The following UIMC1 variants were observed in gnomAD, a reference collection of about 807,000 sequenced individuals.
UIMC1 encodes ubiquitin interaction motif containing 1, also known as BRCA1-A complex subunit RAP80.
Under a neutral mutation model 84.9 loss-of-function variants are expected in UIMC1, and 42 were observed. That is an observed-to-expected ratio of 0.49 (90% CI 0.39 to 0.64). UIMC1 has a LOEUF of 0.64. Ranked by LOEUF, UIMC1 falls within the 30% of genes least tolerant of loss-of-function variation. The pLI is 0.00. For synonymous variants in UIMC1, 281 were observed against 293.0 expected (o/e 0.96, Z 0.42); for missense variants, 825 against 847.6 (o/e 0.97, Z 0.33).
chr5:176,910,967 T>TA (rs1394346504), intron 11 of UIMC1, among the ~76,000 whole-genome samples: 1 of 151,952 alleles, frequency 6.6e-6, no homozygotes, highest in Non-Finnish European at 1.5e-5. Flanking sequence ...CGCATGCCTG[T>TA]AATCCCAGCT....
At chr5:176,938,275 T>C (rs1038086765) in intron 10 of UIMC1, among the ~76,000 whole-genome samples, 4 of 151,294 alleles carry the variant, frequency 2.6e-5, no homozygotes, top group Non-Finnish European at 2.9e-5. Flanking sequence ...ACAAAAGATT[T>C]TAAAACTAGG....
At chr5:176,908,469 A>C in intron 12 of UIMC1, 54 bp downstream of exon 12, 1 of 1,564,764 alleles carries the variant, frequency 6.4e-7, no homozygotes, top group South Asian at 1.2e-5. Flanking sequence ...GTGGCCTCTT[A>C]CAACTGACAA....
intron 10 of UIMC1, among the ~76,000 whole-genome samples, chr5:176,935,599 T>C (rs912896797): frequency 1.3e-5 from 2 of 152,174 alleles, no homozygotes; most frequent in African/African-American, 2.4e-5. Flanking sequence ...CCAGTAGCAA[T>C]GCAGCAATAT....
chr5:177,022,586 A>T, exon 1 of UIMC1: 1 of 769,290 alleles, frequency 1.3e-6, no homozygotes, highest in Non-Finnish European at 1.9e-6. Flanking sequence ...TACCAGAGGT[A>T]GCAAAGCAAA....
intron 10 of UIMC1, among the ~76,000 whole-genome samples, chr5:176,912,364 C>G (rs761396755): frequency 6.6e-6 from 1 of 152,172 alleles, no homozygotes; most frequent in Admixed American, 6.5e-5. Context: ...TTAGATTTGA[C>G]CCATGGCTGG....
At chr5:176,994,726 C>T (rs933882165) in intron 1 of UIMC1, among the ~76,000 whole-genome samples, 4 of 149,178 alleles carry the variant, frequency 2.7e-5, no homozygotes, top group Non-Finnish European at 4.5e-5. Context: ...TTGAATGGTG[C>T]GGTGGGAATG....
At chr5:177,020,886 G>A (rs1298006752) in intron 1 of UIMC1, among the ~76,000 whole-genome samples, 1 of 152,156 alleles carries the variant, frequency 6.6e-6, no homozygotes, top group Non-Finnish European at 1.5e-5. Context: ...GTTGAAATAA[G>A]CTAGTAATAT....
intron 1 of UIMC1, among the ~76,000 whole-genome samples, chr5:176,995,576 G>GCTCACACC (rs2149528645): frequency 6.7e-6 from 1 of 149,616 alleles, no homozygotes; most frequent in South Asian, 2.1e-4. Context: ...AGGCACGGTG[G>GCTCACACC]CTCACACCTG....
intron 1 of UIMC1, among the ~76,000 whole-genome samples, chr5:176,983,934 G>T (rs1235944275): frequency 2.1e-5 from 3 of 145,518 alleles, no homozygotes; most frequent in Middle Eastern, 4.0e-3. Context: ...CCCCATCTGG[G>T]AAGTGAGGAG....
At chr5:176,942,374 G>A (rs1053010328) in intron 10 of UIMC1, among the ~76,000 whole-genome samples, 4 of 152,152 alleles carry the variant, frequency 2.6e-5, no homozygotes, top group African/African-American at 9.7e-5. Context: ...TACATAAGTT[G>A]AAATGCAAGG....
chr5:176,977,083 C>T (rs904239898), intron 2 of UIMC1, among the ~76,000 whole-genome samples: 9 of 151,864 alleles, frequency 5.9e-5, no homozygotes, highest in Admixed American at 5.9e-4. Context: ...ATTTGCCAGG[C>T]GTGGTGGCAT....
chr5:176,977,105 C>T (rs1254987031), intron 2 of UIMC1, among the ~76,000 whole-genome samples: 1 of 151,878 alleles, frequency 6.6e-6, no homozygotes, highest in Admixed American at 6.6e-5. Flanking sequence ...TGCCTGTAAT[C>T]CCAGCTACTC....
Position 176,968,919 on chromosome 5 carries a change from C to T in UIMC1, c.836G>A (p.Gly279Asp). ...TACTCCATCAGGGCAGAATGGAATA[C>T]CCCAGAAATAGTTCACAGTGCCCCC... ...DTGGTVNYFW[G>D]IPFCPDGVDP... The change falls in exon 6 of 15, where the codon GGT (glycine) becomes GAT (aspartate). Residue 279 changes from glycine (G) to aspartate (D), a missense_variant. By Grantham distance (94) the Gly-to-Asp change is moderately conservative. Transcript: ENST00000511320. 1 of 1,614,122 alleles carries T rather than the reference C, an allele frequency of 6.2e-7. No homozygotes were observed. Among genetic ancestry groups the T allele is most frequent in the Non-Finnish European group, 8.5e-7 (1 of 1,180,010 alleles).
intron 10 of UIMC1, among the ~76,000 whole-genome samples, chr5:176,919,481 A>T (rs1036064937): frequency 6.6e-6 from 1 of 152,058 alleles, no homozygotes; most frequent in Non-Finnish European, 1.5e-5. Flanking sequence ...TAAGGTTGTG[A>T]AGTTTTATCC....
intron 3 of UIMC1, 25 bp downstream of exon 3, chr5:176,975,371 C>A (rs1471233526): frequency 1.2e-6 from 2 of 1,610,036 alleles, no homozygotes; most frequent in Non-Finnish European, 1.7e-6. Context: ...ATTCCCAAAC[C>A]ATTATCAACA....
chr5:176,943,608 A>C, intron 9 of UIMC1, 120 bp from the exon 10 acceptor site: 1 of 1,260,340 alleles, frequency 7.9e-7, no homozygotes. Flanking sequence ...ACAGCTTATC[A>C]AATTCAGGAG....
chr5:176,969,734 A>G, intron 4 of UIMC1, 28 bp from the exon 5 acceptor site: 1 of 1,598,620 alleles, frequency 6.3e-7, no homozygotes, highest in Non-Finnish European at 8.6e-7. Flanking sequence ...ATACCAGACC[A>G]GGTTTATTAT....
intron 10 of UIMC1, among the ~76,000 whole-genome samples, chr5:176,926,005 T>G (rs62402801): frequency 3.5e-4 from 54 of 152,192 alleles, no homozygotes; most frequent in Admixed American, 1.0e-3. Flanking sequence ...GCTAGAGAGA[T>G]ACATAGATTT....
chr5:176,975,904 T>C (rs1308107480), intron 2 of UIMC1, among the ~76,000 whole-genome samples: 1 of 152,068 alleles, frequency 6.6e-6, no homozygotes, highest in Non-Finnish European at 1.5e-5. Flanking sequence ...AAAAATCCTA[T>C]AGAAGCAAAA....
Sources: allele counts gnomAD v4.1 joint callset (sites outside exome capture counted in the v4.1 genomes callset), GRCh38; gene constraint gnomAD v4.1.1; transcripts MANE v1.5; gene names NCBI Gene and HGNC (gene_info 2026-07-23, HGNC 2026-07-21).